ORC1: variants seen among roughly 807,000 people sequenced by gnomAD.
The protein encoded by ORC1 is origin recognition complex subunit 1.
ORC1 carries 61 observed loss-of-function variants against 98.9 expected under a neutral mutation model. That is an observed-to-expected ratio of 0.62 (90% CI 0.50 to 0.76). ORC1 has a LOEUF of 0.76. Ranked by LOEUF, ORC1 falls within the 30% of genes least tolerant of loss-of-function variation. ORC1 has a pLI of 0.00. For synonymous variants in ORC1, 385 were observed against 406.9 expected (o/e 0.95, Z 0.65); for missense variants, 979 against 1,072.2 (o/e 0.91, Z 1.21).
intron 12 of ORC1, 28 bp from the exon 13 acceptor site, chr1:52,383,597 A>C (rs368372972): frequency 1.2e-6 from 2 of 1,613,260 alleles, no homozygotes; most frequent in Non-Finnish European, 1.7e-6. Flanking sequence ...AGAGGTGCAG[A>C]GTCAATCACA....
At chr1:52,389,993 T>C (rs1212652519) in intron 6 of ORC1, among the ~76,000 whole-genome samples, 2 of 152,110 alleles carry the variant, frequency 1.3e-5, no homozygotes, top group Admixed American at 6.6e-5. Flanking sequence ...TGAAGACTCA[T>C]CCAAAAAGGT....
At chr1:52,406,774 T>C (rs1648009407), upstream of ORC1, among the ~76,000 whole-genome samples, 1 of 152,186 alleles carries the variant, frequency 6.6e-6, no homozygotes. Flanking sequence ...TAATAATTCA[T>C]TTCACTTTCA....
chr1:52,382,827 G>A (rs1392400091), intron 13 of ORC1, among the ~76,000 whole-genome samples: 13 of 151,836 alleles, frequency 8.6e-5, no homozygotes, highest in Admixed American at 8.5e-4. Context: ...TGATCCACCT[G>A]CCTTGGCCTC....
upstream of ORC1, among the ~76,000 whole-genome samples, chr1:52,407,296 G>A (rs771137136): frequency 4.6e-5 from 7 of 152,216 alleles, no homozygotes; most frequent in African/African-American, 1.7e-4. Flanking sequence ...GATTAGAGGC[G>A]TGAGCCACCG....
chr1:52,408,177 T>A (rs1349408972), upstream of ORC1: 1 of 327,766 alleles, frequency 3.1e-6, no homozygotes, highest in Non-Finnish European at 5.9e-6. Flanking sequence ...GAGGCGGAGG[T>A]TGCAGTGAGC....
chr1:52,402,945 C>T (rs760849813), intron 1 of ORC1, among the ~76,000 whole-genome samples: 1 of 152,218 alleles, frequency 6.6e-6, no homozygotes, highest in Non-Finnish European at 1.5e-5. Flanking sequence ...AAGGTGATAA[C>T]TTATCCTATC....
intron 14 of ORC1, among the ~76,000 whole-genome samples, chr1:52,381,246 T>C (rs1647065314): frequency 6.6e-6 from 1 of 152,182 alleles, no homozygotes; most frequent in Non-Finnish European, 1.5e-5. Context: ...ACAATGACCC[T>C]ATGAGGGAAG....
chr1:52,397,568 G>T, intron 4 of ORC1, 117 bp downstream of exon 4: 1 of 947,292 alleles, frequency 1.1e-6, no homozygotes, highest in East Asian at 2.4e-5. Context: ...GAAGATGACA[G>T]GAAATAATGC....
chr1:52,404,746 TA>T (rs749399789), upstream of ORC1: 9 of 1,612,452 alleles, frequency 5.6e-6, no homozygotes, highest in Non-Finnish European at 7.6e-6. Context: ...GAAGGCATTC[TA>T]AAATGGCTAA....
At chr1:52,381,533 G>T in intron 14 of ORC1, 109 bp downstream of exon 14, 1 of 1,171,634 alleles carries the variant, frequency 8.5e-7, no homozygotes. Context: ...ATTTTTACAC[G>T]ACTTTCTAAA....
At position 52,383,558 on chromosome 1, in the gene ORC1, C is replaced by A; in HGVS notation, c.1875G>T (p.Leu625=). The A allele has an allele frequency of 1.2e-6, 2 of 1,614,044 alleles. No homozygotes were observed. The highest frequency in any genetic ancestry group is 1.7e-6 in the Non-Finnish European group (2 of 1,180,030). The change falls in exon 13 of 17, where the codon CTG becomes CTT. Residue 625 remains leucine (L), a synonymous_variant. Transcript: ENST00000371568. The part of the protein sequence containing the change: ...TVLLVDELDL[L]WTHKQDIMYN... ...ACATTATGTCTTGTTTGTGAGTCCA[C>A]AGAAGGTCGAGCTGCCAGGGCAAAG...
Position 52,373,028 on chromosome 1 carries a change from A to C in ORC1, c.*153T>G. 1 of 805,780 alleles carries C rather than the reference A, an allele frequency of 1.2e-6. No individual in the cohort carries two copies. Among genetic ancestry groups the C allele is most frequent in the Non-Finnish European group, 2.2e-6 (1 of 461,140 alleles). The allele number at this position is 805,780 out of a possible 1,614,324, so 49.9% of individuals were successfully genotyped here. ...GTGCCTGTAGTTTCAGCCACCTGGG[A>C]GGATGAGGTTGGGGGGTCACCTAAG... On this transcript the variant is annotated 3_prime_UTR_variant, in exon 17 of 17. Transcript: ENST00000371568.
chr1:52,402,673 C>G (rs1647773529), intron 1 of ORC1, among the ~76,000 whole-genome samples: 2 of 152,306 alleles, frequency 1.3e-5, no homozygotes, highest in South Asian at 4.1e-4. Flanking sequence ...GTGGCTCACG[C>G]CTGTAATCCC....
intron 5 of ORC1, among the ~76,000 whole-genome samples, chr1:52,395,758 A>C (rs573192739): frequency 6.6e-6 from 1 of 152,156 alleles, no homozygotes; most frequent in Admixed American, 6.5e-5. Context: ...CAAGCCTACA[A>C]TAAGTCGTGA....
chr1:52,383,407 C>T lies in ORC1; in HGVS notation c.2013+13G>A, dbSNP rs763584001. On this transcript the variant is annotated intron_variant, in intron 13 of 16. Transcript: ENST00000371568. Reference sequence around the variant, plus strand: ...ATCTGCAAGAACAGCATGGGAACTGCCCTAGAACCTACCAGTCGGCTGGAC... The same window carrying T: ...ATCTGCAAGAACAGCATGGGAACTGTCCTAGAACCTACCAGTCGGCTGGAC... 5.0e-6 allele frequency: 8 copies of T among 1,612,174 alleles called. No homozygotes were observed. The highest frequency in any genetic ancestry group is 6.8e-6 in the Non-Finnish European group (8 of 1,179,952).
Position 52,374,849 on chromosome 1 carries a change from C to T in ORC1, c.2352G>A (p.Glu784=), listed in dbSNP as rs755457464. The T allele has an allele frequency of 6.2e-7, 1 of 1,613,906 alleles. No homozygotes were observed. The highest frequency in any genetic ancestry group is 8.5e-7 in the Non-Finnish European group (1 of 1,179,882). ...EQSFLRAILA[E]FRRSGLEEAT... The stretch of plus-strand genomic sequence containing the variant: ...CTTCCTCCAGTCCTGATCGACGGAA[C>T]TCTGCGAGGATGGCTCTCAGGAAGC... The change falls in exon 16 of 17, where the codon GAG becomes GAA. Residue 784 remains glutamate, a synonymous_variant. Coordinates refer to ENST00000371568, the MANE Select transcript of ORC1 (RefSeq NM_004153.4).
intron 1 of ORC1, among the ~76,000 whole-genome samples, chr1:52,402,707 G>A (rs1647775068): frequency 6.6e-6 from 1 of 152,204 alleles, no homozygotes; most frequent in Non-Finnish European, 1.5e-5. Context: ...GCTGAGGTGG[G>A]TGGATCACCT....
chr1:52,383,752 A>G (rs1423498708), intron 12 of ORC1, 78 bp downstream of exon 12: 15 of 1,365,822 alleles, frequency 1.1e-5, no homozygotes, highest in Admixed American at 1.8e-5. Context: ...GGGAGCCAGG[A>G]CTTTCCTCCC....
intron 3 of ORC1, 126 bp downstream of exon 3, chr1:52,401,236 T>C: frequency 8.2e-7 from 1 of 1,220,776 alleles, no homozygotes. Flanking sequence ...ACGCAGCTAG[T>C]TCTTACGTGA....
Sources: allele counts gnomAD v4.1 joint callset (sites outside exome capture counted in the v4.1 genomes callset), GRCh38; gene constraint gnomAD v4.1.1; transcripts MANE v1.5; gene names NCBI Gene and HGNC (gene_info 2026-07-23, HGNC 2026-07-21).